The following MYT1 variants were observed in gnomAD, a reference collection of about 807,000 sequenced individuals.
The protein encoded by MYT1 is myelin transcription factor 1, also known as myelin transcription factor I.
A neutral mutation model predicts 123.0 loss-of-function variants in MYT1; 23 were observed. The ratio of observed to expected loss-of-function variants is 0.19; its 90% CI spans 0.13 to 0.26. The LOEUF is 0.26. Ranked by LOEUF, MYT1 falls within the 10% of genes least tolerant of loss-of-function variation. The pLI is 1.00. For synonymous variants in MYT1, 518 were observed against 575.3 expected (o/e 0.90, Z 1.43); for missense variants, 1,125 against 1,472.5 (o/e 0.76, Z 3.86).
chr20:64,205,931 C>T, intron 6 of MYT1, 131 bp downstream of exon 6: 1 of 1,413,822 alleles, frequency 7.1e-7, no homozygotes, highest in Non-Finnish European at 9.4e-7. Context: ...ATGTCTTGTC[C>T]CAACATGTGC....
intron 1 of MYT1, among the ~76,000 whole-genome samples, chr20:64,173,483 TCCTTCCCTTTAGTTGTGTC>T (rs1982352401): frequency 7.1e-6 from 1 of 140,310 alleles, no homozygotes; most frequent in Non-Finnish European, 1.5e-5. Flanking sequence ...TCCTGCAGCA[TCCTTCCCTTTAGTTGTGTC>T]CATTTCCCCT....
chr20:64,204,526 C>T (rs1186518114), intron 4 of MYT1, among the ~76,000 whole-genome samples: 2 of 152,220 alleles, frequency 1.3e-5, no homozygotes, highest in African/African-American at 2.4e-5. Context: ...GCTTGGGCCA[C>T]AGATTCCTTT....
At chr20:64,188,289 C>T (rs1027748061) in intron 1 of MYT1, among the ~76,000 whole-genome samples, 4 of 152,162 alleles carry the variant, frequency 2.6e-5, no homozygotes, top group Admixed American at 1.3e-4. Context: ...GGAGAGGCAG[C>T]GTCTCCTCTG....
intron 5 of MYT1, among the ~76,000 whole-genome samples, 172 bp downstream of exon 5, chr20:64,205,269 G>A (rs1355253666): frequency 7.1e-6 from 1 of 140,816 alleles, no homozygotes; most frequent in Admixed American, 7.0e-5. Flanking sequence ...TGTGGCCATG[G>A]GCGTGCCATG....
rs533426928 is a variant in MYT1, at chr20:64,241,861, G to T, written c.*1413G>T. On this transcript the variant is annotated 3_prime_UTR_variant, in exon 23 of 23. Transcript: ENST00000328439. This position sits in a 1 kb window ranked among gnomAD's most constrained non-coding sequence, Gnocchi z 4.2. ...AAGTATTTTGTAACTGAGGAATTTT[G>T]ATAATTTGGGGATTTTGTTTTCCCT... 2.6e-5 allele frequency: 4 copies of T among 152,522 alleles called. No homozygotes were observed. Among genetic ancestry groups the T allele is most frequent in the African/African-American group, 4.8e-5 (2 of 41,546 alleles). The allele number at this position is 152,522 out of a possible 1,614,324, so 9.4% of individuals were successfully genotyped here.
intron 13 of MYT1, among the ~76,000 whole-genome samples, chr20:64,221,636 G>A (rs73325848): frequency 0.019 from 2,908 of 152,276 alleles, 96 homozygotes; most frequent in African/African-American, 0.067. Context: ...TGCCACACTG[G>A]GCAGCACCAG....
intron 7 of MYT1, among the ~76,000 whole-genome samples, chr20:64,210,619 AG>A (rs1445387236): frequency 6.6e-6 from 1 of 152,202 alleles, no homozygotes; most frequent in African/African-American, 2.4e-5. Flanking sequence ...TCTCGTCCAA[AG>A]GTGTTTCACT....
chr20:64,237,206 A>G, intron 20 of MYT1, 81 bp from the exon 21 acceptor site: 1 of 1,167,304 alleles, frequency 8.6e-7, no homozygotes, highest in Non-Finnish European at 1.2e-6. Flanking sequence ...TTTCAGTTCT[A>G]GAAAGCAGGC....
Position 64,222,065 on chromosome 20 carries a change from T to A in MYT1, c.2396+18T>A, listed in dbSNP as rs753755542. The A allele has an allele frequency of 6.2e-7, 1 of 1,611,978 alleles. No individual in the cohort carries two copies. The highest frequency in any genetic ancestry group is 8.5e-7 in the Non-Finnish European group (1 of 1,179,766). ...CTGCTCACGTAAGTCCCTGTTTGGC[T>A]GGCACAGCTCCTAGGGGACCCTCTG... On this transcript the variant is annotated intron_variant, in intron 14 of 22. Coordinates refer to ENST00000328439, the MANE Select transcript of MYT1 (RefSeq NM_004535.3).
At chr20:64,221,738 G>A (rs1381870226) in intron 13 of MYT1, among the ~76,000 whole-genome samples, 155 bp from the exon 14 acceptor site, 2 of 152,168 alleles carry the variant, frequency 1.3e-5, no homozygotes, top group Admixed American at 6.5e-5. Context: ...TTGCTGGGGG[G>A]AGTTAAGTCT....
chr20:64,229,218 C>T (rs1264291075), intron 18 of MYT1, among the ~76,000 whole-genome samples: 1 of 152,178 alleles, frequency 6.6e-6, no homozygotes, highest in Non-Finnish European at 1.5e-5. Flanking sequence ...ATGAAGGTCG[C>T]ACACTAAATG....
In MYT1 at chr20:64,217,264, C is replaced by T. The variant is rs1299835183; in HGVS notation, c.1829C>T (p.Ser610Leu). The T allele has an allele frequency of 1.9e-6, 3 of 1,614,238 alleles. No individual in the cohort carries two copies. The change falls in exon 11 of 23, where the codon TCA (serine) becomes TTA (leucine). Residue 610 changes from serine to leucine, a missense_variant. Physicochemically the swap from Ser to Leu is moderately radical, Grantham distance 145 (BLOSUM62 -2). Coordinates refer to ENST00000328439, the MANE Select transcript of MYT1 (RefSeq NM_004535.3). Reference protein sequence around the residue: ...LAPKIQTSETSPKAFQCFDYS... With the variant: ...LAPKIQTSETLPKAFQCFDYS... ...CCAAAGATTCAGACCAGCGAAACCT[C>T]ACCTAAAGCCTTTCAATGTAAGTTG... is the stretch of plus-strand genomic sequence containing the variant.
chr20:64,201,932 C>T (rs149991727), intron 4 of MYT1, among the ~76,000 whole-genome samples: 13,473 of 64,162 alleles, frequency 0.21, 1,075 homozygotes, highest in Middle Eastern at 0.32. Flanking sequence ...CGGGAACCCC[C>T]GCGTGTCGGG....
chr20:64,217,015 G>A (rs1168415428), intron 10 of MYT1, 52 bp from the exon 11 acceptor site: 27 of 1,556,872 alleles, frequency 1.7e-5, no homozygotes, highest in East Asian at 4.5e-5. Context: ...AGGGTGGCAC[G>A]GGATCCCCAG....
chr20:64,228,894 G>A (rs1415395192), intron 18 of MYT1, among the ~76,000 whole-genome samples: 1 of 152,216 alleles, frequency 6.6e-6, no homozygotes, highest in Non-Finnish European at 1.5e-5. Context: ...GTCGGGACGG[G>A]GCCCTACTAT....
intron 8 of MYT1, among the ~76,000 whole-genome samples, chr20:64,211,663 G>A (rs1424054569): frequency 6.6e-6 from 1 of 152,260 alleles, no homozygotes; most frequent in Non-Finnish European, 1.5e-5. Context: ...TCTTCTTGCA[G>A]CAACCTCTGT....
At chr20:64,209,896 A>G (rs1012389901) in intron 7 of MYT1, among the ~76,000 whole-genome samples, 1 of 152,152 alleles carries the variant, frequency 6.6e-6, no homozygotes, top group Non-Finnish European at 1.5e-5. Flanking sequence ...CTTTAGGGCA[A>G]CCCAGATGGC....
chr20:64,205,454 A>G lies in MYT1; in HGVS notation c.150-99A>G, dbSNP rs889349806. The G allele has an allele frequency of 6.6e-6, 10 of 1,519,968 alleles. No homozygotes were observed. In the South Asian group the frequency reaches 1.3e-4, roughly 20 times the overall value. The allele number at this position is 1,519,968 out of a possible 1,614,324, so 94.2% of individuals were successfully genotyped here. ...GCAAGGACTGGATGAGTCTGTGGGG[A>G]AGGGAGGGAGGGAGGACCCTCGGGA... On this transcript the variant is annotated intron_variant, in intron 5 of 22. Transcript: ENST00000328439.
Position 64,196,626 on chromosome 20 carries a change from C to T in MYT1, c.1-2236C>T, listed in dbSNP as rs997978597. Among the ~76,000 whole-genome samples the T allele has an allele frequency of 1.3e-5, 2 of 152,164 alleles. No individual in the cohort carries two copies. The highest frequency in any genetic ancestry group is 4.8e-5 in the African/African-American group (2 of 41,430). ...TTTCCCTTTAAAAATCAAAGCTACA[C>T]GCTCCTAAGAGAACTTCTCGCTTAT... On this transcript the variant is annotated intron_variant, in intron 2 of 22. Coordinates refer to ENST00000328439, the MANE Select transcript of MYT1 (RefSeq NM_004535.3). The surrounding 1 kb of genome is among the most constrained non-coding windows in gnomAD (Gnocchi z 4.3).
Sources: gnomAD v4.1 joint callset for allele counts (sites outside exome capture counted in the v4.1 genomes callset) on GRCh38, gnomAD v4.1.1 for gene constraint, Gnocchi (gnomAD v3.1) non-coding constraint, MANE v1.5 for transcripts, NCBI Gene and HGNC (gene_info 2026-07-23, HGNC 2026-07-21) for gene names.